Variants in SLC2A12 observed in about 807,000 individuals in gnomAD.
The protein encoded by SLC2A12 is solute carrier family 2, facilitated glucose transporter member 12.
A neutral mutation model predicts 41.8 loss-of-function variants in SLC2A12; 23 were observed. The ratio of observed to expected loss-of-function variants is 0.55; its 90% CI spans 0.40 to 0.78. SLC2A12 has a LOEUF of 0.78. Among genes scored for constraint, SLC2A12 ranks in the 30% least tolerant of loss-of-function variants. The pLI, the probability that SLC2A12 is intolerant of heterozygous loss-of-function variation, is 0.00. For synonymous variants in SLC2A12, 295 were observed against 285.9 expected, an observed-to-expected ratio of 1.03 and a Z score of -0.32; for missense variants, 654 against 745.6, an observed-to-expected ratio of 0.88 and a Z score of 1.43.
At chr6:133,993,614 T>C (rs1463090616) in intron 4 of SLC2A12, among the ~76,000 whole-genome samples, 1 of 152,240 alleles carries the variant, frequency 6.6e-6, no homozygotes, top group East Asian at 1.9e-4. Context: ...CAGGAAGAGA[T>C]AGACAGTAGA....
chr6:133,995,290 A>G (rs554701255), intron 4 of SLC2A12, among the ~76,000 whole-genome samples: 1 of 152,318 alleles, frequency 6.6e-6, no homozygotes, highest in South Asian at 2.1e-4. Context: ...CAGATGATGC[A>G]GCAGTGAGCT....
intron 2 of SLC2A12, among the ~76,000 whole-genome samples, chr6:134,022,575 AAAG>A (rs1399071159): frequency 6.7e-6 from 1 of 149,022 alleles, no homozygotes; most frequent in Non-Finnish European, 1.5e-5. Flanking sequence ...AAAGAAAAGA[AAAG>A]AAAAGAAAAG....
rs1777027154 is a variant in SLC2A12 at position 134,020,533 on chromosome 6, TA to T, written c.1444+7847del. ...CAATTGGGGATTGAAATGAAATTAC[TA>T]CAGGATATTTTCTTTAGAAAAGAAA... is the stretch of plus-strand genomic sequence containing the variant. On this transcript the variant is annotated intron_variant, in intron 2 of 4. Transcript: ENST00000275230. Among the ~76,000 whole-genome samples, 13 of 152,334 alleles carry T rather than the reference TA, an allele frequency of 8.5e-5. No homozygotes were observed. The South Asian group carries it at 2.5e-3, about 29-fold the overall frequency.
In SLC2A12 at chr6:133,997,750, A is replaced by G. The variant is rs74385926; in HGVS notation, c.1700+4247T>C. Among the ~76,000 whole-genome samples the G allele has an allele frequency of 5.2e-3, 788 of 152,254 alleles. 5 individuals carry two copies. The highest frequency in any genetic ancestry group is 0.018 in the African/African-American group (739 of 41,542). On this transcript the variant is annotated intron_variant, in intron 4 of 4. Coordinates refer to ENST00000275230, the MANE Select transcript of SLC2A12 (RefSeq NM_145176.3). ...CATTCATACTCCAAACCTCAGCATC[A>G]TGCAGTAAACCTTTGTAACAAACCT...
rs1776717587 is a variant in SLC2A12, at chr6:133,998,165, G to T, written c.1700+3832C>A. 1.3e-5 allele frequency among the ~76,000 whole-genome samples: 2 copies of T among 152,170 alleles called. 1 individual carries two copies. Among genetic ancestry groups the T allele is most frequent in the African/African-American group, 4.8e-5 (2 of 41,442 alleles). ...AGTCAGAATTTTAATAATTTAGACA[G>T]ATTCTTTCCCCACCCCAAATTCTGA... On this transcript the variant is annotated intron_variant, in intron 4 of 4. Coordinates refer to ENST00000275230, the MANE Select transcript of SLC2A12 (RefSeq NM_145176.3).
chr6:134,042,754 C>T (rs190997757), intron 1 of SLC2A12, among the ~76,000 whole-genome samples: 1 of 152,078 alleles, frequency 6.6e-6, no homozygotes, highest in African/African-American at 2.4e-5. Context: ...TGCTTGAGCC[C>T]AGGAGTCTGA....
chr6:134,040,065 TTTTTTTG>T (rs1259172789), intron 1 of SLC2A12, among the ~76,000 whole-genome samples: 38 of 151,028 alleles, frequency 2.5e-4, no homozygotes, highest in Non-Finnish European at 3.4e-4. Context: ...TTTGTTTTTT[TTTTTTTG>T]TTTTTTGTTT....
intron 2 of SLC2A12, among the ~76,000 whole-genome samples, chr6:134,013,337 T>C (rs1030767518): frequency 1.3e-5 from 2 of 152,042 alleles, no homozygotes; most frequent in Non-Finnish European, 2.9e-5. Context: ...TGACTTTAAA[T>C]TGAAATTTTT....
chr6:134,006,926 G>T lies in SLC2A12; in HGVS notation c.1453C>A (p.Leu485Met). 6.2e-7 allele frequency: 1 copy of T among 1,614,082 alleles called. No homozygotes were observed. ...CCAGGAAAGATCTCGCTGAGCACCA[G>T]CCAGGGCACTAGAAGAAAGGCAAGA... The part of the protein sequence containing the change: ...FSIGLGPMPW[L>M]VLSEIFPGGI... The change falls in exon 3 of 5, where the codon CTG becomes ATG. Residue 485 changes from leucine to methionine, a missense_variant. Leu to Met is a conservative substitution (Grantham distance 15). This residue lies in a region of SLC2A12 where 134 missense variants were observed against 180.5 expected (regional missense o/e 0.74). Transcript: ENST00000275230.
At chr6:134,013,957 G>A (rs1368703542) in intron 2 of SLC2A12, among the ~76,000 whole-genome samples, 1 of 152,124 alleles carries the variant, frequency 6.6e-6, no homozygotes, top group Non-Finnish European at 1.5e-5. Context: ...TGGGGAGATG[G>A]GGAAGGAGAA....
intron 4 of SLC2A12, among the ~76,000 whole-genome samples, chr6:133,995,384 T>G (rs1776674797): frequency 6.6e-6 from 1 of 152,026 alleles, no homozygotes; most frequent in South Asian, 2.1e-4. Context: ...ACTGCATTCC[T>G]ACATAGGCCC....
At chr6:134,037,144 A>ATTTTTT (rs533155835) in intron 1 of SLC2A12, among the ~76,000 whole-genome samples, 4 of 83,308 alleles carry the variant, frequency 4.8e-5, no homozygotes, top group Non-Finnish European at 6.5e-5. Flanking sequence ...ACTCGATTCA[A>ATTTTTT]TTTTTTTTTT....
chr6:134,023,185 A>G (rs1401184255), intron 2 of SLC2A12, among the ~76,000 whole-genome samples: 2 of 152,210 alleles, frequency 1.3e-5, no homozygotes, highest in African/African-American at 4.8e-5. Context: ...TTTTAGGTTG[A>G]CAGTGGTCTG....
intron 1 of SLC2A12, among the ~76,000 whole-genome samples, chr6:134,037,423 G>A (rs1252036036): frequency 6.6e-6 from 1 of 151,386 alleles, no homozygotes; most frequent in East Asian, 1.9e-4. Context: ...GCAGTGGCAT[G>A]ATCTCGGCTC....
intron 2 of SLC2A12, among the ~76,000 whole-genome samples, chr6:134,012,811 T>A (rs1352058240): frequency 4.6e-5 from 7 of 152,034 alleles, no homozygotes; most frequent in African/African-American, 1.5e-4. Flanking sequence ...CTACAAAAAA[T>A]TTTTAAAAAT....
intron 1 of SLC2A12, among the ~76,000 whole-genome samples, chr6:134,036,095 G>A (rs1777294517): frequency 6.6e-6 from 1 of 152,114 alleles, no homozygotes; most frequent in Non-Finnish European, 1.5e-5. Flanking sequence ...TGGACATAAT[G>A]GGCACGCAAT....
intron 4 of SLC2A12, among the ~76,000 whole-genome samples, chr6:133,992,403 G>A (rs905043459): frequency 1.8e-4 from 28 of 152,140 alleles, no homozygotes; most frequent in African/African-American, 6.8e-4. Flanking sequence ...TGGAGGCTTG[G>A]GAAAAGTATT....
rs1377371330 is a variant in SLC2A12 at position 134,014,217 on chromosome 6, G to A, written c.1445-7283C>T. On this transcript the variant is annotated intron_variant, in intron 2 of 4. Transcript: ENST00000275230. ...AAGGAGCATGCAACCTACATCCCTC[G>A]CATGGGCAGACACTAGGGTTTGCCC... Among the ~76,000 whole-genome samples, 5 of 152,200 alleles carry A rather than the reference G, an allele frequency of 3.3e-5. No individual in the cohort carries two copies. The South Asian group carries it at 6.2e-4, about 19-fold the overall frequency.
Position 134,006,889 on chromosome 6 carries a change from C to T in SLC2A12, c.1490G>A (p.Gly497Glu). ...LSEIFPGGIR[G>E]RAMALTSSMN... ...GCTAGAAGTTAAAGCCATGGCTCGT[C>T]CTCTGATCCCACCAGGAAAGATCTC... Residue 497 changes from glycine (G) to glutamate (E), a missense_variant, in exon 3 of 5, where the codon GGA (glycine) becomes GAA (glutamate). Coordinates refer to ENST00000275230, the MANE Select transcript of SLC2A12 (RefSeq NM_145176.3). The T allele has an allele frequency of 1.2e-6, 2 of 1,614,138 alleles. No individual in the cohort carries two copies. The highest frequency in any genetic ancestry group is 1.7e-6 in the Non-Finnish European group (2 of 1,180,024).
Sources: allele counts gnomAD v4.1 joint callset (sites outside exome capture counted in the v4.1 genomes callset), GRCh38; gene constraint gnomAD v4.1.1; regional missense constraint gnomAD v4.1.1; transcripts MANE v1.5; gene names NCBI Gene and HGNC (gene_info 2026-07-23, HGNC 2026-07-21).